TFB2M: variants seen among roughly 807,000 people sequenced by gnomAD.
The protein encoded by TFB2M is transcription factor B2, mitochondrial, also known as dimethyladenosine transferase 2, mitochondrial.
In TFB2M, 44 loss-of-function variants were observed where a neutral mutation model predicts 41.3. The observed-to-expected ratio is 1.07, with a 90% confidence interval of 0.84 to 1.37. The LOEUF is 1.37. Ranked by LOEUF, TFB2M falls within the 40% of genes most tolerant of loss-of-function variation. TFB2M has a pLI of 0.00. For synonymous variants in TFB2M, 188 were observed against 176.8 expected (o/e 1.06, Z -0.50); for missense variants, 496 against 490.2 (o/e 1.01, Z -0.11).
chr1:246,548,511 GGA>G (rs894644631), intron 6 of TFB2M, 32 bp downstream of exon 6: 8 of 1,557,860 alleles, frequency 5.1e-6, no homozygotes, highest in Non-Finnish European at 7.0e-6. Context: ...CGTCACGTAG[GGA>G]GAAAAAGGAA....
chr1:246,554,339 C>T lies in TFB2M; in HGVS notation c.705+2234G>A, dbSNP rs77661473. 4.4e-3 allele frequency among the ~76,000 whole-genome samples: 667 copies of T among 152,280 alleles called. 14 individuals carry two copies. Among genetic ancestry groups the T allele is most frequent in the East Asian group, 0.035 (182 of 5,176 alleles). ...ATACCAGTCCGTGTCCTGTTAGAAA[C>T]TGGGCCACACAGCAGGAAGTGAGCG... On this transcript the variant is annotated intron_variant, in intron 4 of 7. Transcript: ENST00000366514.
At chr1:246,550,601 G>C (rs1659148289) in intron 5 of TFB2M, among the ~76,000 whole-genome samples, 1 of 152,194 alleles carries the variant, frequency 6.6e-6, no homozygotes, top group South Asian at 2.1e-4. Flanking sequence ...ATTAGAGCCA[G>C]GGCCAGGCGC....
At chr1:246,564,571 C>T in intron 1 of TFB2M, 137 bp from the exon 2 acceptor site, 1 of 674,822 alleles carries the variant, frequency 1.5e-6, no homozygotes, top group Non-Finnish European at 2.5e-6. Flanking sequence ...ATGTCACTCT[C>T]CTTTTTACAT....
intron 7 of TFB2M, among the ~76,000 whole-genome samples, chr1:246,542,502 T>A (rs753113640): frequency 5.9e-5 from 9 of 152,016 alleles, no homozygotes; most frequent in Non-Finnish European, 1.3e-4. Flanking sequence ...TGAGACCCCA[T>A]CTCTACAAAA....
rs188361657 is a variant in TFB2M at position 246,557,892 on chromosome 1, A to G, written c.403-358T>C. ...CACCATGTTGGCCAGGAGAGCCTCA[A>G]TCTCTTGACCTCATGATACGTCCAC... is the stretch of plus-strand genomic sequence containing the variant. On this transcript the variant is annotated intron_variant, in intron 2 of 7. Coordinates refer to ENST00000366514, the MANE Select transcript of TFB2M (RefSeq NM_022366.3). 4.3e-3 allele frequency among the ~76,000 whole-genome samples: 648 copies of G among 152,212 alleles called. 4 individuals carry two copies. The highest frequency in any genetic ancestry group is 0.015 in the African/African-American group (619 of 41,530).
intron 4 of TFB2M, among the ~76,000 whole-genome samples, chr1:246,554,452 G>A (rs749340839): frequency 4.6e-5 from 7 of 152,082 alleles, no homozygotes; most frequent in Non-Finnish European, 1.0e-4. Flanking sequence ...TCTCAGATCA[G>A]CAGCCGCCTT....
intron 2 of TFB2M, among the ~76,000 whole-genome samples, chr1:246,562,392 C>G (rs1333263248): frequency 6.6e-6 from 1 of 152,218 alleles, no homozygotes; most frequent in Non-Finnish European, 1.5e-5. Flanking sequence ...ACTGAAAAAT[C>G]TATTTGGATG....
chr1:246,562,641 G>C (rs138330119), intron 2 of TFB2M, among the ~76,000 whole-genome samples: 1 of 152,136 alleles, frequency 6.6e-6, no homozygotes, highest in East Asian at 1.9e-4. Context: ...TGTTAATAAG[G>C]CAGATGACTC....
chr1:246,540,770 T>C lies in TFB2M; in HGVS notation c.*261A>G, dbSNP rs553851814. ...CAACAGTACAAGTGAAATATTTAAA[T>C]AGGAATCTGAAACAAAACGAATTCA... On this transcript the variant is annotated 3_prime_UTR_variant, in exon 8 of 8. Transcript: ENST00000366514. 6 of 355,564 alleles carry C rather than the reference T, an allele frequency of 1.7e-5. No individual in the cohort carries two copies. Among genetic ancestry groups the C allele is most frequent in the Admixed American group, 9.0e-5 (2 of 22,346 alleles). The allele number at this position is 355,564 out of a possible 1,614,324, so 22.0% of individuals were successfully genotyped here.
intron 6 of TFB2M, among the ~76,000 whole-genome samples, chr1:246,546,576 C>T (rs1201306764): frequency 1.4e-5 from 2 of 147,014 alleles, no homozygotes; most frequent in Non-Finnish European, 3.0e-5. Context: ...ATCATGCCAT[C>T]GCACTCCAGC....
At chr1:246,547,448 G>GT (rs1659055069) in intron 6 of TFB2M, among the ~76,000 whole-genome samples, 5 of 152,090 alleles carry the variant, frequency 3.3e-5, no homozygotes, top group Admixed American at 3.3e-4. Context: ...TTCCTATTCT[G>GT]TTTTTTGGGA....
At position 246,541,012 on chromosome 1, in the gene TFB2M, A is replaced by G. The variant is rs574709316; in HGVS notation, c.*19T>C. The G allele has an allele frequency of 7.3e-5, 115 of 1,575,768 alleles. No homozygotes were observed. Among genetic ancestry groups the G allele is most frequent in the Admixed American group, 4.5e-4 (24 of 52,892 alleles). Reference sequence around the variant, plus strand: ...TTCCAAATAAATGAACCGCTCCACCAAAAACGACAGTCTAGTTGCTACCTA... The same window carrying G: ...TTCCAAATAAATGAACCGCTCCACCGAAAACGACAGTCTAGTTGCTACCTA... On this transcript the variant is annotated 3_prime_UTR_variant, in exon 8 of 8. Coordinates refer to ENST00000366514, the MANE Select transcript of TFB2M (RefSeq NM_022366.3).
At chr1:246,565,196 A>T (rs1193388049) in intron 1 of TFB2M, among the ~76,000 whole-genome samples, 4 of 152,272 alleles carry the variant, frequency 2.6e-5, no homozygotes, top group Non-Finnish European at 5.9e-5. Flanking sequence ...TGTTCTTAGC[A>T]TCCTGCTATG....
intron 7 of TFB2M, among the ~76,000 whole-genome samples, chr1:246,542,287 T>C (rs1414652472): frequency 1.3e-5 from 2 of 150,826 alleles, no homozygotes; most frequent in Non-Finnish European, 2.9e-5. Flanking sequence ...ATATAATCAA[T>C]GAGGTATATT....
At chr1:246,563,202 C>T (rs1198657406) in intron 2 of TFB2M, among the ~76,000 whole-genome samples, 1 of 143,264 alleles carries the variant, frequency 7.0e-6, no homozygotes, top group East Asian at 2.1e-4. Context: ...TCTGAACACA[C>T]TTTTTTTTTT....
In TFB2M at chr1:246,557,376, ATG is replaced by A; in HGVS notation, c.556+3_556+4del. The stretch of plus-strand genomic sequence containing the variant: ...GTATTTGCTTTAGTAAATTCCAAAA[ATG>A]ACCTGCTGTCCAAGGAACTGCTTCT... On this transcript the variant is annotated splice_donor_region_variant and intron_variant, in intron 3 of 7. Transcript: ENST00000366514. The A allele has an allele frequency of 6.2e-7, 1 of 1,608,342 alleles. No individual in the cohort carries two copies. The highest frequency in any genetic ancestry group is 2.2e-5 in the East Asian group (1 of 44,736).
Position 246,544,650 on chromosome 1 carries a change from T to C in TFB2M, c.890A>G (p.Tyr297Cys), listed in dbSNP as rs1658950874. 1 of 1,603,660 alleles carries C rather than the reference T, an allele frequency of 6.2e-7. No homozygotes were observed. Among genetic ancestry groups the C allele is most frequent in the South Asian group, 1.1e-5 (1 of 88,202 alleles). ...TTGACGAGGAATCATTTGAATAAGA[T>C]ACAGCTTTTGTTGTAATTGGTCTAA... ...ELLDQLQQKL[Y>C]LIQMIPRQNL... Residue 297 changes from tyrosine (Y) to cysteine (C), a missense_variant, in exon 7 of 8, where the codon TAT becomes TGT. Tyr to Cys is a radical substitution (Grantham distance 194). Coordinates refer to ENST00000366514, the MANE Select transcript of TFB2M (RefSeq NM_022366.3).
rs759628100 is a variant in TFB2M, at chr1:246,546,982, CA to C, written c.858+1562del. Among the ~76,000 whole-genome samples, 96 of 94,276 alleles carry C rather than the reference CA, an allele frequency of 1.0e-3. 1 individual carries two copies. In the Middle Eastern group the frequency reaches 0.069, roughly 68 times the overall value. The allele number at this position is 94,276 out of a possible 152,430, so 61.8% of individuals were successfully genotyped here. A position where few individuals can be genotyped will look rare whatever the true frequency, so the allele number is the denominator to read the frequency against. ...ATGTATATATACACACACACACACA[CA>C]TTTTTTTTTTTTTTTTTTGAGACAA... On this transcript the variant is annotated intron_variant, in intron 6 of 7. Coordinates refer to ENST00000366514, the MANE Select transcript of TFB2M (RefSeq NM_022366.3).
intron 5 of TFB2M, among the ~76,000 whole-genome samples, chr1:246,549,595 C>T (rs1458110370): frequency 1.3e-5 from 2 of 151,814 alleles, no homozygotes; most frequent in African/African-American, 2.4e-5. Context: ...AATAAAAAAC[C>T]GACCCACCTG....
Sources: allele counts gnomAD v4.1 joint callset (sites outside exome capture counted in the v4.1 genomes callset), GRCh38; gene constraint gnomAD v4.1.1; transcripts MANE v1.5; gene names NCBI Gene and HGNC (gene_info 2026-07-23, HGNC 2026-07-21).